The following FNIP1 variants were observed in gnomAD, a reference collection of about 807,000 sequenced individuals.
FNIP1 encodes the protein folliculin interacting protein 1, also known as folliculin-interacting protein 1.
A neutral mutation model predicts 124.5 loss-of-function variants in FNIP1; 40 were observed. The ratio of observed to expected loss-of-function variants is 0.32; its 90% CI spans 0.25 to 0.42. FNIP1 has a LOEUF of 0.42. Among genes scored for constraint, FNIP1 ranks in the 10% least tolerant of loss-of-function variants. The probability of loss-of-function intolerance (pLI) is 1.00; values close to 1 mark genes in which losing one functional copy is unlikely to be tolerated. For missense variants in FNIP1, 1,176 were observed against 1,403.7 expected (o/e 0.84, Z 2.59); for synonymous variants, 472 against 470.6 (o/e 1.00, Z -0.04).
rs367969091 is a variant in FNIP1, at chr5:131,672,268, C to T, written c.2176G>A (p.Gly726Arg). 1.2e-6 allele frequency: 2 copies of T among 1,614,152 alleles called. No individual in the cohort carries two copies. Among genetic ancestry groups the T allele is most frequent in the Non-Finnish European group, 8.5e-7 (1 of 1,180,018 alleles). The change falls in exon 14 of 18, where the codon GGA becomes AGA. Residue 726 changes from glycine to arginine, a missense_variant. By Grantham distance (125) the Gly-to-Arg change is moderately radical (BLOSUM62 -2). Transcript: ENST00000510461. ...GGAGGTTTTTTTTCCACAACCATTC[C>T]TGTGGATCTCATTGCTTTGCCTGTG... is the stretch of plus-strand genomic sequence containing the variant. ...SHTGKAMRST[G>R]MVVEKKPPDK...
Position 131,651,368 on chromosome 5 carries a change from AGGT to A in FNIP1, c.3306+431_3306+433del, listed in dbSNP as rs570739138. On this transcript the variant is annotated intron_variant, in intron 16 of 17. Coordinates refer to ENST00000510461, the MANE Select transcript of FNIP1 (RefSeq NM_133372.3). ...AGACTGCACCACTGTGCTCCAACCCAGGTGATGGGATTAAGACACTGTCTCAAA... is the reference window on the plus strand; with the variant it reads ...AGACTGCACCACTGTGCTCCAACCCAGATGGGATTAAGACACTGTCTCAAA... Among the ~76,000 whole-genome samples, 38 of 152,346 alleles carry A rather than the reference AGGT, an allele frequency of 2.5e-4. No homozygotes were observed. The South Asian group carries it at 7.5e-3, about 30-fold the overall frequency.
intron 15 of FNIP1, among the ~76,000 whole-genome samples, chr5:131,655,473 C>T (rs546058145): frequency 2.0e-5 from 3 of 152,180 alleles, no homozygotes; most frequent in South Asian, 2.1e-4. Flanking sequence ...GTGACATTCA[C>T]AGCCCAGAGA....
chr5:131,750,074 C>T (rs1188316149), intron 1 of FNIP1, among the ~76,000 whole-genome samples: 4 of 152,098 alleles, frequency 2.6e-5, no homozygotes, highest in African/African-American at 9.7e-5. Context: ...TGGCTGCAAA[C>T]TACAGTTAGG....
chr5:131,692,983 G>A (rs528590770), intron 11 of FNIP1, among the ~76,000 whole-genome samples: 112 of 151,312 alleles, frequency 7.4e-4, no homozygotes, highest in Non-Finnish European at 1.4e-3. Flanking sequence ...ACTCCAGCCT[G>A]GAGGACAGAG....
intron 11 of FNIP1, among the ~76,000 whole-genome samples, chr5:131,688,294 A>T (rs1050786029): frequency 4.0e-5 from 6 of 151,652 alleles, no homozygotes; most frequent in Non-Finnish European, 8.8e-5. Flanking sequence ...TAAAATAAAA[A>T]AAAAAAAAAG....
At chr5:131,779,580 C>T (rs543929937) in intron 1 of FNIP1, among the ~76,000 whole-genome samples, 2 of 149,664 alleles carry the variant, frequency 1.3e-5, no homozygotes, top group East Asian at 3.9e-4. Flanking sequence ...CCCAGCTACT[C>T]AGGAGGCTGA....
chr5:131,681,030 G>A (rs1768060621), intron 11 of FNIP1, among the ~76,000 whole-genome samples: 1 of 152,104 alleles, frequency 6.6e-6, no homozygotes, highest in African/African-American at 2.4e-5. Flanking sequence ...TGAAAATTGG[G>A]AGACTAATTC....
At chr5:131,692,567 T>C (rs530008385) in intron 11 of FNIP1, among the ~76,000 whole-genome samples, 1 of 151,988 alleles carries the variant, frequency 6.6e-6, no homozygotes, top group South Asian at 2.1e-4. Context: ...AAAGTTTATA[T>C]AGAAACAAAA....
Position 131,782,489 on chromosome 5 carries a change from C to T in FNIP1, c.92+14341G>A, listed in dbSNP as rs760546822. Among the ~76,000 whole-genome samples, 18 of 152,002 alleles carry T rather than the reference C, an allele frequency of 1.2e-4. 1 individual carries two copies. Among genetic ancestry groups the T allele is most frequent in the Middle Eastern group, 3.2e-3 (1 of 316 alleles). On this transcript the variant is annotated intron_variant, in intron 1 of 17. Transcript: ENST00000510461. ...GAGGCTGACGTGGGAGGCTTGAGCC[C>T]GCGAGGCAGAGGTTACAGTGAGCCA...
At chr5:131,676,519 A>T (rs1767917446) in intron 13 of FNIP1, among the ~76,000 whole-genome samples, 1 of 151,968 alleles carries the variant, frequency 6.6e-6, no homozygotes, top group South Asian at 2.1e-4. Flanking sequence ...GCACCTTGGG[A>T]GGCCAAGATG....
At chr5:131,747,658 G>A (rs1770726373) in intron 1 of FNIP1, among the ~76,000 whole-genome samples, 1 of 152,166 alleles carries the variant, frequency 6.6e-6, no homozygotes, top group African/African-American at 2.4e-5. Context: ...AGTCATTGGT[G>A]ACCATAGCAA....
chr5:131,704,333 C>G, intron 9 of FNIP1, 67 bp from the exon 10 acceptor site: 1 of 1,318,718 alleles, frequency 7.6e-7, no homozygotes, highest in Non-Finnish European at 1.0e-6. Flanking sequence ...AATCTTCTTG[C>G]TAATTAAATG....
chr5:131,753,970 T>C (rs1178565134), intron 1 of FNIP1, among the ~76,000 whole-genome samples: 1 of 152,154 alleles, frequency 6.6e-6, no homozygotes, highest in Non-Finnish European at 1.5e-5. Flanking sequence ...CATGCCACCA[T>C]GTCCAACTAA....
chr5:131,675,405 T>C (rs1017819293), intron 13 of FNIP1, among the ~76,000 whole-genome samples: 1 of 152,230 alleles, frequency 6.6e-6, no homozygotes, highest in African/African-American at 2.4e-5. Context: ...ACAGCCTCTG[T>C]GCTTTTTAAA....
chr5:131,649,000 C>A (rs958246728), intron 16 of FNIP1, among the ~76,000 whole-genome samples: 5 of 152,316 alleles, frequency 3.3e-5, no homozygotes, highest in Admixed American at 2.6e-4. Flanking sequence ...CAGTCCTTTT[C>A]ATGGCTGAAT....
chr5:131,651,471 G>A (rs1767037056), intron 16 of FNIP1, among the ~76,000 whole-genome samples: 2 of 152,180 alleles, frequency 1.3e-5, no homozygotes, highest in Non-Finnish European at 2.9e-5. Context: ...TGCAAGCATG[G>A]TTGGGTTCTG....
chr5:131,698,185 C>T (rs557211695), intron 11 of FNIP1, among the ~76,000 whole-genome samples: 33 of 152,206 alleles, frequency 2.2e-4, no homozygotes, highest in African/African-American at 7.7e-4. Flanking sequence ...TAGTAAATGA[C>T]AGAGCCAGGG....
chr5:131,748,637 C>G (rs530882069), intron 1 of FNIP1, among the ~76,000 whole-genome samples: 2 of 135,684 alleles, frequency 1.5e-5, no homozygotes, highest in African/African-American at 5.6e-5. Context: ...GCAGAGGTTG[C>G]AGTGAGCCAA....
At chr5:131,751,376 C>T (rs1770867155) in intron 1 of FNIP1, among the ~76,000 whole-genome samples, 1 of 152,012 alleles carries the variant, frequency 6.6e-6, no homozygotes, top group Admixed American at 6.5e-5. Flanking sequence ...ATAGTATCTT[C>T]ATCAGATTGT....
Sources: gnomAD v4.1 joint callset for allele counts (sites outside exome capture counted in the v4.1 genomes callset) on GRCh38, gnomAD v4.1.1 for gene constraint, MANE v1.5 for transcripts, NCBI Gene and HGNC (gene_info 2026-07-23, HGNC 2026-07-21) for gene names.